Variants in PARN observed in about 807,000 individuals in gnomAD.
The protein encoded by PARN is poly(A)-specific ribonuclease PARN.
Under a neutral mutation model 102.8 loss-of-function variants are expected in PARN, and 71 were observed. The observed-to-expected ratio is 0.69, with a 90% CI of 0.57 to 0.84. The LOEUF is 0.84. Among genes scored for constraint, PARN ranks in the 40% least tolerant of loss-of-function variants. The pLI is 0.00. For synonymous variants in PARN, 261 were observed against 252.9 expected, an observed-to-expected ratio of 1.03 and a Z score of -0.30; for missense variants, 782 against 760.9, an observed-to-expected ratio of 1.03 and a Z score of -0.33.
Position 14,630,182 on chromosome 16 carries a change from C to G in PARN, c.-57G>C, listed in dbSNP as rs1450636507. 2 of 1,494,152 alleles carry G rather than the reference C, an allele frequency of 1.3e-6. No homozygotes were observed. 92.6% of individuals were successfully genotyped at this position (1,494,152 alleles called of 1,614,324 possible). A position where few individuals can be genotyped will look rare whatever the true frequency, so the allele number is the denominator to read the frequency against. On this transcript the variant is annotated 5_prime_UTR_variant, in exon 1 of 24. Transcript: ENST00000437198. ...CGGGCCCGCGCCCGCCTCAGCGGTTCTACTCGCCGAATTCCGCGGCGACTG... is the reference window on the plus strand; with the variant it reads ...CGGGCCCGCGCCCGCCTCAGCGGTTGTACTCGCCGAATTCCGCGGCGACTG...
At chr16:14,580,991 C>A in intron 17 of PARN, 48 bp from the exon 18 acceptor site, 1 of 1,173,150 alleles carries the variant, frequency 8.5e-7, no homozygotes, top group Non-Finnish European at 1.3e-6. Context: ...TCACATAGAC[C>A]AAGCCTGAAA....
intron 21 of PARN, among the ~76,000 whole-genome samples, chr16:14,485,928 T>A (rs1405407829): frequency 2.0e-5 from 3 of 152,168 alleles, no homozygotes; most frequent in Non-Finnish European, 4.4e-5. Context: ...GCTCAAGTGA[T>A]TCGCCTGCCT....
intron 21 of PARN, among the ~76,000 whole-genome samples, chr16:14,490,150 C>T: frequency 6.6e-6 from 1 of 151,908 alleles, no homozygotes; most frequent in Non-Finnish European, 1.5e-5. Flanking sequence ...AAAGTGAGAC[C>T]CTGTCTCAAA....
intron 9 of PARN, among the ~76,000 whole-genome samples, chr16:14,607,140 A>C (rs1478493533): frequency 6.6e-6 from 1 of 152,114 alleles, no homozygotes; most frequent in East Asian, 1.9e-4. Context: ...TCATTACCAC[A>C]GAGTCAAATC....
intron 12 of PARN, among the ~76,000 whole-genome samples, chr16:14,594,347 T>C (rs568048128): frequency 2.0e-4 from 30 of 152,316 alleles, no homozygotes; most frequent in Admixed American, 1.3e-3. Context: ...ATTAGTCCAT[T>C]TTGATAAAAA....
At chr16:14,484,770 G>A (rs1255920381) in intron 21 of PARN, among the ~76,000 whole-genome samples, 1 of 152,142 alleles carries the variant, frequency 6.6e-6, no homozygotes, top group East Asian at 1.9e-4. Context: ...AAGGTTTCCG[G>A]AATGTCATGC....
chr16:14,529,891 C>G (rs746718538), intron 21 of PARN, among the ~76,000 whole-genome samples: 16 of 152,056 alleles, frequency 1.1e-4, no homozygotes, highest in Admixed American at 2.6e-4. Context: ...TGATACCATC[C>G]CTACAGAAAT....
intron 22 of PARN, among the ~76,000 whole-genome samples, chr16:14,471,760 G>A (rs973803456): frequency 1.3e-5 from 2 of 152,112 alleles, no homozygotes; most frequent in African/African-American, 4.8e-5. Context: ...CTGGTGTTTT[G>A]TCTTTTTGTG....
At chr16:14,593,991 C>T (rs1029776572) in intron 12 of PARN, among the ~76,000 whole-genome samples, 6 of 150,170 alleles carry the variant, frequency 4.0e-5, no homozygotes, top group Admixed American at 1.3e-4. Flanking sequence ...AGTGAGACCC[C>T]GTCTCAAAAA....
chr16:14,495,271 G>A (rs548422988), intron 21 of PARN, among the ~76,000 whole-genome samples: 66 of 152,188 alleles, frequency 4.3e-4, no homozygotes, highest in African/African-American at 1.5e-3. Flanking sequence ...AGGATCACTC[G>A]AGTTCACGGG....
chr16:14,466,043 T>A (rs774742585), intron 22 of PARN, among the ~76,000 whole-genome samples: 2 of 152,168 alleles, frequency 1.3e-5, no homozygotes, highest in Non-Finnish European at 2.9e-5. Context: ...AACTATTGCG[T>A]ACCAGGCTTA....
At chr16:14,458,767 C>G (rs1961809143) in intron 22 of PARN, among the ~76,000 whole-genome samples, 1 of 152,150 alleles carries the variant, frequency 6.6e-6, no homozygotes, top group Non-Finnish European at 1.5e-5. Flanking sequence ...TCCCCTACCC[C>G]AGGGAAGCCA....
At chr16:14,624,097 A>G (rs1972490697) in intron 5 of PARN, among the ~76,000 whole-genome samples, 1 of 152,146 alleles carries the variant, frequency 6.6e-6, no homozygotes, top group Non-Finnish European at 1.5e-5. Flanking sequence ...ACATCTTGAC[A>G]AGCATATGGG....
In PARN at chr16:14,601,449, G is replaced by A. The variant is rs140616380; in HGVS notation, c.784-1489C>T. Among the ~76,000 whole-genome samples, 1,255 of 152,260 alleles carry A rather than the reference G, an allele frequency of 8.2e-3. 21 individuals carry two copies. Among genetic ancestry groups the A allele is most frequent in the African/African-American group, 0.028 (1,177 of 41,544 alleles). On this transcript the variant is annotated intron_variant, in intron 11 of 23. Transcript: ENST00000437198. ...AGTGGTTGCCAGGGGCTGGGTGTCA[G>A]GGGTGGGAGATGGAGAGCTGCTTGA...
chr16:14,491,199 T>C (rs1459112520), intron 21 of PARN, among the ~76,000 whole-genome samples: 1 of 151,022 alleles, frequency 6.6e-6, no homozygotes. Context: ...CCTGCTGACA[T>C]GATCCATTCT....
intron 21 of PARN, among the ~76,000 whole-genome samples, chr16:14,501,978 T>C (rs1376544877): frequency 6.6e-6 from 1 of 152,234 alleles, no homozygotes; most frequent in African/African-American, 2.4e-5. Context: ...GTTTAGATTA[T>C]TTTTAAAAAA....
At chr16:14,602,578 C>G (rs576816102) in intron 11 of PARN, among the ~76,000 whole-genome samples, 42 of 152,294 alleles carry the variant, frequency 2.8e-4, no homozygotes, top group Admixed American at 2.4e-3. Context: ...GCCATGGTGC[C>G]CTGGTGGCCT....
chr16:14,603,009 C>T (rs1970968777), intron 11 of PARN, among the ~76,000 whole-genome samples: 1 of 152,112 alleles, frequency 6.6e-6, no homozygotes, highest in Admixed American at 6.5e-5. Flanking sequence ...CAACCTCCAC[C>T]TCCCGGGGTC....
chr16:14,473,352 A>C (rs564026392), intron 22 of PARN, among the ~76,000 whole-genome samples: 1 of 152,368 alleles, frequency 6.6e-6, no homozygotes, highest in South Asian at 2.1e-4. Context: ...TTAACTTATA[A>C]GATCTACATT....
Sources: gnomAD v4.1 joint callset for allele counts (sites outside exome capture counted in the v4.1 genomes callset) on GRCh38, gnomAD v4.1.1 for gene constraint, MANE v1.5 for transcripts, NCBI Gene and HGNC (gene_info 2026-07-23, HGNC 2026-07-21) for gene names.